LRRC4C: variants seen among roughly 807,000 people sequenced by gnomAD.
The protein encoded by LRRC4C is leucine rich repeat containing 4C.
Under a neutral mutation model 33.6 loss-of-function variants are expected in LRRC4C, and 5 were observed. The observed-to-expected ratio is 0.15, with a 90% confidence interval of 0.08 to 0.31. The LOEUF (loss-of-function observed/expected upper bound fraction) is 0.31. LRRC4C is among the 10% of genes least tolerant of loss of function. LRRC4C has a pLI of 1.00. For missense variants in LRRC4C, 560 were observed against 796.7 expected (o/e 0.70, Z 3.58); for synonymous variants, 329 against 302.0 (o/e 1.09, Z -0.93).
In LRRC4C at chr11:40,509,178, G is replaced by T. The variant is rs1036465853; in HGVS notation, c.-270+138964C>A. ...AACAATAGGAGATTGGTTAATTATGGTGTTTCATGTAGTCATTAAAATAAT... is the reference window on the plus strand; with the variant it reads ...AACAATAGGAGATTGGTTAATTATGTTGTTTCATGTAGTCATTAAAATAAT... On this transcript the variant is annotated intron_variant, in intron 3 of 6. Coordinates refer to ENST00000528697, the MANE Select transcript of LRRC4C (RefSeq NM_001258419.2). Among the ~76,000 whole-genome samples, 8 of 152,106 alleles carry T rather than the reference G, an allele frequency of 5.3e-5. 1 individual carries two copies. Among genetic ancestry groups the T allele is most frequent in the Non-Finnish European group, 1.0e-4 (7 of 67,996 alleles).
chr11:41,338,637 T>C (rs1951531431), intron 1 of LRRC4C, among the ~76,000 whole-genome samples: 1 of 152,080 alleles, frequency 6.6e-6, no homozygotes, highest in Admixed American at 6.6e-5. Flanking sequence ...CAAACCACCA[T>C]GGCGCATGTA....
chr11:40,900,962 TTGGGA>T (rs1282580881), intron 2 of LRRC4C, among the ~76,000 whole-genome samples: 4 of 152,080 alleles, frequency 2.6e-5, no homozygotes, highest in Non-Finnish European at 5.9e-5. Context: ...TTTTGTGTGT[TTGGGA>T]TGGTATGGTA....
intron 1 of LRRC4C, among the ~76,000 whole-genome samples, chr11:41,078,252 G>A (rs929368590): frequency 1.3e-5 from 2 of 152,148 alleles, no homozygotes; most frequent in East Asian, 1.9e-4. Context: ...ACATTTTCTT[G>A]TCTTCTTCTA....
At chr11:40,976,676 C>T (rs1852108062) in intron 1 of LRRC4C, among the ~76,000 whole-genome samples, 1 of 151,958 alleles carries the variant, frequency 6.6e-6, no homozygotes, top group Non-Finnish European at 1.5e-5. Context: ...TGTTTTATTT[C>T]CTTGGTCATG....
chr11:40,514,850 A>C (rs1290733048), intron 3 of LRRC4C, among the ~76,000 whole-genome samples: 2 of 152,192 alleles, frequency 1.3e-5, no homozygotes, highest in South Asian at 2.1e-4. Context: ...AACACAGAGA[A>C]AAAAGCCACA....
At chr11:41,251,467 AAT>A (rs1228280002) in intron 1 of LRRC4C, among the ~76,000 whole-genome samples, 1 of 152,186 alleles carries the variant, frequency 6.6e-6, no homozygotes, top group Admixed American at 6.5e-5. Context: ...TTGTCATTAA[AAT>A]ATGTGTCCTG....
At chr11:41,264,926 T>C (rs73481753) in intron 1 of LRRC4C, among the ~76,000 whole-genome samples, 124 of 152,272 alleles carry the variant, frequency 8.1e-4, no homozygotes, top group Middle Eastern at 3.4e-3. Flanking sequence ...TGCAAAGATG[T>C]GTCAGAACAG....
chr11:41,163,867 C>T (rs568913131), intron 1 of LRRC4C, among the ~76,000 whole-genome samples: 2 of 152,262 alleles, frequency 1.3e-5, no homozygotes, highest in East Asian at 1.9e-4. Flanking sequence ...CTGCTTCAGC[C>T]TCCCAAAGTG....
chr11:40,869,397 T>G (rs898085310), intron 2 of LRRC4C, among the ~76,000 whole-genome samples: 6 of 152,010 alleles, frequency 3.9e-5, no homozygotes, highest in African/African-American at 1.2e-4. Flanking sequence ...CAGGTGATGG[T>G]CAGGCAGTTA....
chr11:40,778,860 G>C (rs1950111380), intron 2 of LRRC4C, among the ~76,000 whole-genome samples: 1 of 152,124 alleles, frequency 6.6e-6, no homozygotes, highest in Non-Finnish European at 1.5e-5. Context: ...TTGGGAAAGG[G>C]GTAGGGAATG....
intron 1 of LRRC4C, among the ~76,000 whole-genome samples, chr11:41,067,674 C>T (rs1236536716): frequency 6.6e-6 from 1 of 152,156 alleles, no homozygotes; most frequent in African/African-American, 2.4e-5. Context: ...GTAAAACACT[C>T]CTCAGCAAAT....
chr11:40,677,989 G>A lies in LRRC4C; in HGVS notation c.-406-29711C>T, dbSNP rs182310524. Among the ~76,000 whole-genome samples the A allele has an allele frequency of 4.6e-5, 7 of 152,168 alleles. No homozygotes were observed. In the South Asian group the frequency reaches 8.3e-4, roughly 18 times the overall value. On this transcript the variant is annotated intron_variant, in intron 2 of 6. Transcript: ENST00000528697. ...AGAAGCCTGTGACTTGGATGGCTCC[G>A]TGGAGCTGCCATAGTAACCTTAAGA...
At chr11:41,195,413 A>G (rs539691264) in intron 1 of LRRC4C, among the ~76,000 whole-genome samples, 1 of 152,262 alleles carries the variant, frequency 6.6e-6, no homozygotes, top group Admixed American at 6.6e-5. Context: ...AACAGTGCAC[A>G]AAATGTCAAT....
chr11:40,652,373 T>C (rs1375731815), intron 2 of LRRC4C, among the ~76,000 whole-genome samples: 2 of 152,226 alleles, frequency 1.3e-5, no homozygotes, highest in Non-Finnish European at 2.9e-5. Context: ...CTCTGTGAAC[T>C]CTTGCTAACT....
At chr11:40,487,200 C>T (rs1458396846) in intron 3 of LRRC4C, among the ~76,000 whole-genome samples, 2 of 152,136 alleles carry the variant, frequency 1.3e-5, no homozygotes, top group South Asian at 2.1e-4. Context: ...TATTGTTAAA[C>T]TTATTTTAAT....
chr11:40,656,472 CTTT>C (rs11371073), intron 2 of LRRC4C, among the ~76,000 whole-genome samples: 7 of 144,348 alleles, frequency 4.8e-5, no homozygotes, highest in Non-Finnish European at 9.0e-5. Flanking sequence ...AAGTGGGTCA[CTTT>C]TTTTTTTTTT....
intron 4 of LRRC4C, among the ~76,000 whole-genome samples, chr11:40,297,216 A>G: frequency 6.6e-6 from 1 of 152,208 alleles, no homozygotes; most frequent in South Asian, 2.1e-4. Context: ...AGGCAACTCT[A>G]TTGAAGCACA....
intron 2 of LRRC4C, among the ~76,000 whole-genome samples, chr11:40,781,018 G>A (rs187427672): frequency 3.9e-5 from 6 of 152,220 alleles, no homozygotes; most frequent in Admixed American, 1.3e-4. Flanking sequence ...TTTTGTCATC[G>A]TGCAAGCATC....
chr11:40,613,246 G>T (rs1961416468), intron 3 of LRRC4C, among the ~76,000 whole-genome samples: 1 of 151,840 alleles, frequency 6.6e-6, no homozygotes, highest in Admixed American at 6.6e-5. Context: ...GAACTTATGT[G>T]ACTATTGGAG....
Sources: allele counts gnomAD v4.1 joint callset (sites outside exome capture counted in the v4.1 genomes callset), GRCh38; gene constraint gnomAD v4.1.1; transcripts MANE v1.5; gene names NCBI Gene and HGNC (gene_info 2026-07-23, HGNC 2026-07-21).